GPSM2: variants seen among roughly 807,000 people sequenced by gnomAD.
GPSM2 encodes G protein-signaling modulator 2.
In GPSM2, 58 loss-of-function variants were observed where a neutral mutation model predicts 78.4. The observed-to-expected ratio is 0.74, with a 90% CI of 0.60 to 0.92. The LOEUF (loss-of-function observed/expected upper bound fraction) is 0.92, where lower values mean the gene tolerates loss of function less well. Among genes scored for constraint, GPSM2 ranks in the 40% least tolerant of loss-of-function variants. The pLI, the probability that GPSM2 is intolerant of heterozygous loss-of-function variation, is 0.00. For synonymous variants in GPSM2, 224 were observed against 280.2 expected (o/e 0.80, Z 2.00); for missense variants, 700 against 815.5 (o/e 0.86, Z 1.73).
In GPSM2 at chr1:108,932,790, T is replaced by TAAAC. The variant is rs535517578; in HGVS notation, c.*2852_*2855dup. ...CAGGTGTCTGTCAGGATTCATTTGT[T>TAAAC]AAACATGTCCTCTGTGTTAAAAATC... On this transcript the variant is annotated 3_prime_UTR_variant, in exon 15 of 15. Coordinates refer to ENST00000264126, the MANE Select transcript of GPSM2 (RefSeq NM_013296.5). 2.3e-3 allele frequency: 346 copies of TAAAC among 152,360 alleles called. 2 individuals are homozygous for TAAAC. The highest frequency in any genetic ancestry group is 7.9e-3 in the African/African-American group (327 of 41,592). The allele number at this position is 152,360 out of a possible 1,614,324, so 9.4% of individuals were successfully genotyped here. A position where few individuals can be genotyped will look rare whatever the true frequency, so the allele number is the denominator to read the frequency against.
rs1006621707 is a variant in GPSM2, at chr1:108,896,781, T to G, written c.57-83T>G. On this transcript the variant is annotated intron_variant, in intron 2 of 14. Transcript: ENST00000264126. ...AGCTGCCCTGAACAAGAGTAGCCGCTTAAATTATATTACGGGAAGTTAAAA... is the reference window on the plus strand; with the variant it reads ...AGCTGCCCTGAACAAGAGTAGCCGCGTAAATTATATTACGGGAAGTTAAAA... 2.3e-5 allele frequency: 25 copies of G among 1,076,086 alleles called. No individual in the cohort carries two copies. The African/African-American group carries it at 3.7e-4, about 16-fold the overall frequency. 66.7% of individuals were successfully genotyped at this position (1,076,086 alleles called of 1,614,324 possible).
chr1:108,917,611 C>CACACATATATATAT (rs1312607573), intron 11 of GPSM2, among the ~76,000 whole-genome samples: 3 of 22,704 alleles, frequency 1.3e-4, no homozygotes, highest in Non-Finnish European at 7.8e-5. Context: ...CACACACACA[C>CACACATATATATAT]ATATATATAT....
intron 11 of GPSM2, among the ~76,000 whole-genome samples, chr1:108,918,236 A>G (rs1650430382): frequency 2.0e-5 from 3 of 152,284 alleles, no homozygotes; most frequent in Admixed American, 2.0e-4. Context: ...TTATGTTTAA[A>G]AATTCTACAT....
At chr1:108,899,542 C>T (rs1485714865) in intron 7 of GPSM2, among the ~76,000 whole-genome samples, 4 of 152,164 alleles carry the variant, frequency 2.6e-5, no homozygotes, top group Admixed American at 2.0e-4. Flanking sequence ...AGCTGAGTCC[C>T]CCATTCACTT....
Position 108,931,581 on chromosome 1 carries a change from G to GT in GPSM2, c.*1647dup. The GT allele has an allele frequency of 7.6e-7, 1 of 1,311,688 alleles. No homozygotes were observed. The highest frequency in any genetic ancestry group is 1.0e-6 in the Non-Finnish European group (1 of 999,360). 81.3% of individuals were successfully genotyped at this position (1,311,688 alleles called of 1,614,324 possible). On this transcript the variant is annotated 3_prime_UTR_variant, in exon 15 of 15. Transcript: ENST00000264126. ...TAGAACTATTTCTCTAATGGCCAAT[G>GT]TTTTTTAAGAGTCATAACCTGGAAT... is the stretch of plus-strand genomic sequence containing the variant.
Position 108,924,225 on chromosome 1 carries a change from A to T in GPSM2, c.1815+11A>T, listed in dbSNP as rs748778078. ...CTTGTAAAATGTCAAGTATGTCTGT[A>T]TATTTTTTTCGTTCTGCATACAGCT... On this transcript the variant is annotated intron_variant, in intron 14 of 14. Transcript: ENST00000264126. 2 of 1,578,548 alleles carry T rather than the reference A, an allele frequency of 1.3e-6. No individual in the cohort carries two copies. The highest frequency in any genetic ancestry group is 1.7e-6 in the Non-Finnish European group (2 of 1,147,704).
chr1:108,882,679 A>G (rs1444485111), intron 1 of GPSM2: 1 of 152,184 alleles, frequency 6.6e-6, no homozygotes, highest in Non-Finnish European at 1.5e-5. Flanking sequence ...TAACAGCCCA[A>G]ACCTCATAGT....
rs1424375053 is a variant in GPSM2 at position 108,917,628 on chromosome 1, A to T, written c.1264-985A>T. On this transcript the variant is annotated intron_variant, in intron 11 of 14. Coordinates refer to ENST00000264126, the MANE Select transcript of GPSM2 (RefSeq NM_013296.5). ...CACACACACATATATATATATATAT[A>T]TATATATATATATATATATATATAT... is the stretch of plus-strand genomic sequence containing the variant. Among the ~76,000 whole-genome samples, 2 of 15,118 alleles carry T rather than the reference A, an allele frequency of 1.3e-4. 1 individual carries two copies. The highest frequency in any genetic ancestry group is 2.6e-3 in the East Asian group (2 of 764). 9.9% of individuals were successfully genotyped at this position (15,118 alleles called of 152,430 possible).
In GPSM2 at chr1:108,897,706, A is replaced by G. The variant is rs1320010146; in HGVS notation, c.414+79A>G. On this transcript the variant is annotated intron_variant, in intron 4 of 14. Coordinates refer to ENST00000264126, the MANE Select transcript of GPSM2 (RefSeq NM_013296.5). ...CATTTTAATACTATTTAATTATTCTATAGTTTATTTTAAAATTAATACCAA... is the reference window on the plus strand; with the variant it reads ...CATTTTAATACTATTTAATTATTCTGTAGTTTATTTTAAAATTAATACCAA... 34 of 1,257,426 alleles carry G rather than the reference A, an allele frequency of 2.7e-5. 1 individual carries two copies. Among genetic ancestry groups the G allele is most frequent in the East Asian group, 2.1e-4 (8 of 38,990 alleles). The allele number at this position is 1,257,426 out of a possible 1,614,324, so 77.9% of individuals were successfully genotyped here. A position where few individuals can be genotyped will look rare whatever the true frequency, so the allele number is the denominator to read the frequency against.
chr1:108,926,275 G>A (rs1651113517), intron 14 of GPSM2: 1 of 152,160 alleles, frequency 6.6e-6, no homozygotes, highest in Non-Finnish European at 1.5e-5. Context: ...ATTTTTCCAG[G>A]AGAATGGGAT....
intron 2 of GPSM2, among the ~76,000 whole-genome samples, chr1:108,890,562 A>G (rs1038239137): frequency 6.6e-6 from 1 of 152,232 alleles, no homozygotes; most frequent in Non-Finnish European, 1.5e-5. Context: ...GTGCTCTAAG[A>G]CCAGCATTCT....
intron 10 of GPSM2, among the ~76,000 whole-genome samples, chr1:108,907,018 C>T (rs778415166): frequency 3.9e-5 from 6 of 152,168 alleles, no homozygotes; most frequent in African/African-American, 9.7e-5. Context: ...GTTCCCATCA[C>T]ACCTAGAACG....
intron 1 of GPSM2, among the ~76,000 whole-genome samples, chr1:108,884,493 A>G (rs993264652): frequency 1.2e-4 from 18 of 152,236 alleles, no homozygotes; most frequent in African/African-American, 3.9e-4. Flanking sequence ...AATCTCAGAA[A>G]CAACGTTCAG....
Position 108,896,970 on chromosome 1 carries a change from A to T in GPSM2, c.163A>T (p.Thr55Ser). ...CTTTGAAGCTGCAGTTCAAGTTGGA[A>T]CTGAAGACCTAAAAACACTTAGCGC... ...SFFEAAVQVG[T>S]EDLKTLSAIY... is the part of the protein sequence containing the mutation. The change falls in exon 3 of 15, where the codon ACT becomes TCT. Residue 55 changes from threonine to serine, a missense_variant. Coordinates refer to ENST00000264126, the MANE Select transcript of GPSM2 (RefSeq NM_013296.5). 2 of 1,614,044 alleles carry T rather than the reference A, an allele frequency of 1.2e-6. No individual in the cohort carries two copies. Among genetic ancestry groups the T allele is most frequent in the Non-Finnish European group, 1.7e-6 (2 of 1,179,912 alleles).
chr1:108,929,927 C>A lies in GPSM2; in HGVS notation c.2042C>A (p.Ser681Ter), dbSNP rs752300174. ...GAGTTTAAAAATTCAGGGAAAAAAT[C>A]GGCAGACCATTAGTTACTATGGATT... is the stretch of plus-strand genomic sequence containing the variant. Reference protein sequence around the residue: ...LLEFKNSGKKSADH With the variant: ...LLEFKNSGKK The change falls in exon 15 of 15, where the codon TCG becomes TAG. Residue 681 changes from serine (S) to a stop codon, truncating the protein, a stop_gained. Coordinates refer to ENST00000264126, the MANE Select transcript of GPSM2 (RefSeq NM_013296.5). LOFTEE classifies it high-confidence loss of function. 1.2e-6 allele frequency: 2 copies of A among 1,613,208 alleles called. No individual in the cohort carries two copies. Among genetic ancestry groups the A allele is most frequent in the Non-Finnish European group, 1.7e-6 (2 of 1,179,290 alleles).
intron 12 of GPSM2, among the ~76,000 whole-genome samples, chr1:108,922,075 G>A (rs1650755298): frequency 6.6e-6 from 1 of 152,036 alleles, no homozygotes; most frequent in African/African-American, 2.4e-5. Context: ...CTTACAAAGA[G>A]ATAAGTGTAC....
At chr1:108,923,402 A>C (rs1047459199) in intron 13 of GPSM2, among the ~76,000 whole-genome samples, 1 of 152,228 alleles carries the variant, frequency 6.6e-6, no homozygotes, top group Non-Finnish European at 1.5e-5. Context: ...TTATATATAA[A>C]ACGTCAATGC....
chr1:108,877,804 C>G (rs572196163), intron 1 of GPSM2: 7 of 152,214 alleles, frequency 4.6e-5, no homozygotes, highest in Admixed American at 1.3e-4. Context: ...TAAGAAAACT[C>G]TTTCCTGAAA....
At chr1:108,880,051 G>A (rs1269299134) in intron 1 of GPSM2, among the ~76,000 whole-genome samples, 1 of 152,126 alleles carries the variant, frequency 6.6e-6, no homozygotes, top group Non-Finnish European at 1.5e-5. Context: ...CCTTCAAGGT[G>A]CTGTACAAAA....
Sources: allele counts gnomAD v4.1 joint callset (sites outside exome capture counted in the v4.1 genomes callset), GRCh38; gene constraint gnomAD v4.1.1; transcripts MANE v1.5; gene names NCBI Gene and HGNC (gene_info 2026-07-23, HGNC 2026-07-21).